PCDHGA6: variants seen among roughly 807,000 people sequenced by gnomAD.
PCDHGA6 encodes protocadherin gamma subfamily A, 6.
In PCDHGA6, 41 loss-of-function variants were observed where a neutral mutation model predicts 60.6. The observed-to-expected ratio is 0.68, with a 90% confidence interval of 0.53 to 0.88. The LOEUF (loss-of-function observed/expected upper bound fraction) is 0.88, where lower values mean the gene tolerates loss of function less well. Among genes scored for constraint, PCDHGA6 ranks in the 40% least tolerant of loss-of-function variants. The probability of loss-of-function intolerance (pLI) is 0.00; values close to 1 mark genes in which losing one functional copy is unlikely to be tolerated. For missense variants in PCDHGA6, 1,312 were observed against 1,203.0 expected, an observed-to-expected ratio of 1.09 and a Z score of -1.34; for synonymous variants, 594 against 524.4, an observed-to-expected ratio of 1.13 and a Z score of -1.81.
chr5:141,407,473 G>A (rs753514459), intron 1 of PCDHGA6, among the ~76,000 whole-genome samples: 4 of 145,182 alleles, frequency 2.8e-5, no homozygotes, highest in Non-Finnish European at 4.6e-5. Context: ...ATGACTGAAT[G>A]GAGTATGGAA....
rs2099619316 is a variant in PCDHGA6, at chr5:141,485,794, C to A, written c.2425-9013C>A. The A allele has an allele frequency of 6.2e-7, 1 of 1,614,120 alleles. No homozygotes were observed. The highest frequency in any genetic ancestry group is 1.1e-5 in the South Asian group (1 of 91,092). On this transcript the variant is annotated intron_variant, in intron 1 of 3. Transcript: ENST00000517434. This position sits in a 1 kb window ranked among gnomAD's most constrained non-coding sequence, Gnocchi z 5.7. ...CTTTGGATCGAGAGAAGCAATCGGA[C>A]TACCGCCTGGTGCTGACTGCTGTCG...
Position 141,432,295 on chromosome 5 carries a change from G to A in PCDHGA6, c.2424+55788G>A. 6.2e-7 allele frequency: 1 copy of A among 1,614,222 alleles called. No individual in the cohort carries two copies. The highest frequency in any genetic ancestry group is 8.5e-7 in the Non-Finnish European group (1 of 1,180,034). ...ACGTGTCCATCAACTCCGACACTGG[G>A]GTACTGTATGCGCTGAGCTCCTTCG... is the stretch of plus-strand genomic sequence containing the variant. On this transcript the variant is annotated intron_variant, in intron 1 of 3. Coordinates refer to ENST00000517434, the MANE Select transcript of PCDHGA6 (RefSeq NM_018919.3). This position sits in a 1 kb window ranked among gnomAD's most constrained non-coding sequence, Gnocchi z 6.0.
At chr5:141,397,591 A>G (rs1202251855) in intron 1 of PCDHGA6, among the ~76,000 whole-genome samples, 1 of 152,204 alleles carries the variant, frequency 6.6e-6, no homozygotes, top group Non-Finnish European at 1.5e-5. Flanking sequence ...ATTAATTATT[A>G]TATTGCCAGT....
chr5:141,437,945 C>A (rs1204633193), intron 1 of PCDHGA6, among the ~76,000 whole-genome samples: 1 of 152,112 alleles, frequency 6.6e-6, no homozygotes, highest in Non-Finnish European at 1.5e-5. Flanking sequence ...ACCATATTGG[C>A]CAGAATGGTC....
chr5:141,500,501 G>T (rs571735791), intron 2 of PCDHGA6, among the ~76,000 whole-genome samples: 6 of 152,176 alleles, frequency 3.9e-5, no homozygotes, highest in Non-Finnish European at 8.8e-5. Context: ...GAGCCACCGC[G>T]CCTGGCCGAG....
Position 141,491,466 on chromosome 5 carries a change from T to G in PCDHGA6, c.2425-3341T>G. The G allele has an allele frequency of 6.2e-7, 1 of 1,614,068 alleles. No individual in the cohort carries two copies. Among genetic ancestry groups the G allele is most frequent in the Non-Finnish European group, 8.5e-7 (1 of 1,179,986 alleles). ...AGGACTCACCCTCCCCGGACTTCTA[T>G]AAGCAGTCCAGCCCCAACCTGCAGG... On this transcript the variant is annotated intron_variant, in intron 1 of 3. Coordinates refer to ENST00000517434, the MANE Select transcript of PCDHGA6 (RefSeq NM_018919.3). This position sits in a 1 kb window ranked among gnomAD's most constrained non-coding sequence, Gnocchi z 6.9.
chr5:141,476,950 A>T lies in PCDHGA6; in HGVS notation c.2425-17857A>T, dbSNP rs1224572890. 2 of 1,614,158 alleles carry T rather than the reference A, an allele frequency of 1.2e-6. No homozygotes were observed. The highest frequency in any genetic ancestry group is 4.5e-5 in the East Asian group (2 of 44,878). ...ATCTGGATGAAGGCCCCAACGGTGA[A>T]ATTATTTACTCCTTCGGCAGCCACA... On this transcript the variant is annotated intron_variant, in intron 1 of 3. Transcript: ENST00000517434. The surrounding 1 kb of genome is among the most constrained non-coding windows in gnomAD (Gnocchi z 7.6).
At chr5:141,382,824 A>T in intron 1 of PCDHGA6, 4 of 1,326,118 alleles carry the variant, frequency 3.0e-6, no homozygotes, top group Non-Finnish European at 4.1e-6. Context: ...CCTAAGACAG[A>T]GGGGTCCACC....
At chr5:141,433,332 T>C (rs1344429296) in intron 1 of PCDHGA6, 7 of 694,580 alleles carry the variant, frequency 1.0e-5, no homozygotes, top group Non-Finnish European at 1.7e-5. Context: ...TAACAGGGAC[T>C]ACAGGTGCAA....
Position 141,432,563 on chromosome 5 carries a change from G to T in PCDHGA6, c.2424+56056G>T. 2 of 1,613,912 alleles carry T rather than the reference G, an allele frequency of 1.2e-6. No homozygotes were observed. Among genetic ancestry groups the T allele is most frequent in the Non-Finnish European group, 1.7e-6 (2 of 1,179,996 alleles). The stretch of plus-strand genomic sequence containing the variant: ...GGTGGACAGAGACTCCGGCCAGAAC[G>T]CCTGGCTGTCCTACCGTCTGCTCAA... On this transcript the variant is annotated intron_variant, in intron 1 of 3. Transcript: ENST00000517434. The surrounding 1 kb of genome is among the most constrained non-coding windows in gnomAD (Gnocchi z 6.0).
At chr5:141,509,169 T>C (rs1321257504) in intron 3 of PCDHGA6, among the ~76,000 whole-genome samples, 2 of 152,174 alleles carry the variant, frequency 1.3e-5, no homozygotes, top group African/African-American at 4.8e-5. Context: ...TGTGCCCTCC[T>C]CCTCTTATGC....
rs776189143 is a variant in PCDHGA6, at chr5:141,422,957, A to G, written c.2424+46450A>G. 11 of 1,614,190 alleles carry G rather than the reference A, an allele frequency of 6.8e-6. 1 individual carries two copies. The South Asian group carries it at 7.7e-5, about 11-fold the overall frequency. Reference sequence around the variant, plus strand: ...CCCACAGACGGCTCCACTGGCGTGGAGCTGGCGCCCCGCTCTGCGGAACCT... The same window carrying G: ...CCCACAGACGGCTCCACTGGCGTGGGGCTGGCGCCCCGCTCTGCGGAACCT... On this transcript the variant is annotated intron_variant, in intron 1 of 3. Coordinates refer to ENST00000517434, the MANE Select transcript of PCDHGA6 (RefSeq NM_018919.3).
Position 141,485,992 on chromosome 5 carries a change from C to T in PCDHGA6, c.2425-8815C>T. The T allele has an allele frequency of 6.2e-7, 1 of 1,614,156 alleles. No individual in the cohort carries two copies. The highest frequency in any genetic ancestry group is 2.2e-5 in the East Asian group (1 of 44,870). On this transcript the variant is annotated intron_variant, in intron 1 of 3. Coordinates refer to ENST00000517434, the MANE Select transcript of PCDHGA6 (RefSeq NM_018919.3). The surrounding 1 kb of genome is among the most constrained non-coding windows in gnomAD (Gnocchi z 5.7). ...ATGCCTCAGACCCGGACCTGGGTCC[C>T]AGTGGTAACGTCACCTTTTATTTCA...
intron 2 of PCDHGA6, among the ~76,000 whole-genome samples, chr5:141,502,500 G>A (rs1398797155): frequency 6.6e-6 from 1 of 152,046 alleles, no homozygotes; most frequent in Non-Finnish European, 1.5e-5. Context: ...ATCTAACGTC[G>A]GCCTGTCCCA....
At chr5:141,428,169 G>T (rs758370904) in intron 1 of PCDHGA6, 5 of 1,539,960 alleles carry the variant, frequency 3.2e-6, no homozygotes, top group South Asian at 2.2e-5. Context: ...GTTGCTGTGC[G>T]TGACGGAGGA....
At chr5:141,510,353 C>T (rs74759939) in intron 3 of PCDHGA6, among the ~76,000 whole-genome samples, 2 of 146,504 alleles carry the variant, frequency 1.4e-5, no homozygotes, top group African/African-American at 5.0e-5. Context: ...CACTTACTAA[C>T]GGAACTACCG....
chr5:141,389,894 G>A (rs754241365), intron 1 of PCDHGA6: 56 of 1,613,970 alleles, frequency 3.5e-5, no homozygotes, highest in Non-Finnish European at 4.7e-5. Flanking sequence ...AGGAGGTGCT[G>A]CCGGATATCA....
intron 1 of PCDHGA6, chr5:141,414,379 A>G (rs2095740987): frequency 1.2e-6 from 2 of 1,613,912 alleles, no homozygotes; most frequent in African/African-American, 1.3e-5. Context: ...AGAAAAGTCC[A>G]TTGACAGTTA....
At chr5:141,444,138 C>CTTGTGTG (rs2098418688) in intron 1 of PCDHGA6, among the ~76,000 whole-genome samples, 1 of 122,946 alleles carries the variant, frequency 8.1e-6, no homozygotes, top group South Asian at 2.7e-4. Flanking sequence ...ATATGTGTCA[C>CTTGTGTG]TTGTGTGTAC....
Sources: allele counts gnomAD v4.1 joint callset (sites outside exome capture counted in the v4.1 genomes callset), GRCh38; gene constraint gnomAD v4.1.1; non-coding constraint Gnocchi (gnomAD v3.1); transcripts MANE v1.5; gene names NCBI Gene and HGNC (gene_info 2026-07-23, HGNC 2026-07-21).